The following PIK3CG variants were observed in gnomAD, a reference collection of about 807,000 sequenced individuals.
The protein encoded by PIK3CG is phosphatidylinositol-4,5-bisphosphate 3-kinase catalytic subunit gamma.
Under a neutral mutation model 102.3 loss-of-function variants are expected in PIK3CG, and 55 were observed. The observed-to-expected ratio is 0.54, with a 90% CI of 0.43 to 0.67. The LOEUF (loss-of-function observed/expected upper bound fraction) is 0.67. Ranked by LOEUF, PIK3CG falls within the 30% of genes least tolerant of loss-of-function variation. PIK3CG has a pLI of 0.00. For missense variants in PIK3CG, 1,258 were observed against 1,391.8 expected (o/e 0.90, Z 1.53); for synonymous variants, 552 against 540.0 (o/e 1.02, Z -0.31).
At chr7:106,876,686 C>T (rs1790756787) in intron 5 of PIK3CG, among the ~76,000 whole-genome samples, 1 of 151,904 alleles carries the variant, frequency 6.6e-6, no homozygotes, top group Admixed American at 6.6e-5. Context: ...CAGGTGTGAG[C>T]CACCGCACCT....
intron 1 of PIK3CG, among the ~76,000 whole-genome samples, chr7:106,866,588 C>T (rs1790291918): frequency 6.6e-6 from 1 of 152,112 alleles, no homozygotes; most frequent in Non-Finnish European, 1.5e-5. Context: ...TGTAGCTCCT[C>T]CATTATTAAG....
rs1469293176 is a variant in PIK3CG, at chr7:106,891,164, T to G, written c.3030+4872T>G. The stretch of plus-strand genomic sequence containing the variant: ...CTCAGTAGGTGTTTGCTGAGTGGAG[T>G]AGTGGAGGGACAGCACCTTGTAGGG... On this transcript the variant is annotated intron_variant, in intron 10 of 10. Coordinates refer to ENST00000496166, the MANE Select transcript of PIK3CG (RefSeq NM_001282426.2). The surrounding 1 kb of genome is among the most constrained non-coding windows in gnomAD (Gnocchi z 4.4). 6.6e-6 allele frequency among the ~76,000 whole-genome samples: 1 copy of G among 151,908 alleles called. No homozygotes were observed. Among genetic ancestry groups the G allele is most frequent in the African/African-American group, 2.4e-5 (1 of 41,350 alleles).
Position 106,872,418 on chromosome 7 carries a change from T to G in PIK3CG, c.1996-119T>G. 1 of 795,618 alleles carries G rather than the reference T, an allele frequency of 1.3e-6. No individual in the cohort carries two copies. Among genetic ancestry groups the G allele is most frequent in the Non-Finnish European group, 2.1e-6 (1 of 470,222 alleles). The allele number at this position is 795,618 out of a possible 1,614,324, so 49.3% of individuals were successfully genotyped here. ...TTAAACTTAAGTGACTGTTAAGATT[T>G]TCATCTTTCTAGCCGTGAAGACCCA... On this transcript the variant is annotated intron_variant, in intron 2 of 10. Coordinates refer to ENST00000496166, the MANE Select transcript of PIK3CG (RefSeq NM_001282426.2). The surrounding 1 kb of genome is among the most constrained non-coding windows in gnomAD (Gnocchi z 5.3).
At position 106,900,744 on chromosome 7, in the gene PIK3CG, C is replaced by G. The variant is rs567843350; in HGVS notation, c.3031-4365C>G. Among the ~76,000 whole-genome samples, 11 of 152,336 alleles carry G rather than the reference C, an allele frequency of 7.2e-5. No homozygotes were observed. In the East Asian group the frequency reaches 1.7e-3, roughly 24 times the overall value. On this transcript the variant is annotated intron_variant, in intron 10 of 10. Transcript: ENST00000496166. ...GTTCCTTTCAAGGTCTCTTGTAAGG[C>G]AGGTCTGGTGGGAATGAATTCCCTC...
chr7:106,873,878 A>G (rs1174152174), intron 4 of PIK3CG, among the ~76,000 whole-genome samples: 1 of 152,140 alleles, frequency 6.6e-6, no homozygotes, highest in Non-Finnish European at 1.5e-5. Context: ...ATTTTGATTG[A>G]TACTACATTA....
chr7:106,905,456 T>C lies in PIK3CG; in HGVS notation c.*69T>C, dbSNP rs2116620858. On this transcript the variant is annotated 3_prime_UTR_variant, in exon 11 of 11. Transcript: ENST00000496166. This position sits in a 1 kb window ranked among gnomAD's most constrained non-coding sequence, Gnocchi z 5.6. ...AAATTAGCATAGCAATCATCGAACT[T>C]GGATTTCAAATGCAATAGACATTGT... The C allele has an allele frequency of 7.0e-7, 1 of 1,437,216 alleles. No homozygotes were observed. Among genetic ancestry groups the C allele is most frequent in the Non-Finnish European group, 9.5e-7 (1 of 1,051,004 alleles). 89.0% of individuals were successfully genotyped at this position (1,437,216 alleles called of 1,614,324 possible).
Position 106,869,682 on chromosome 7 carries a change from T to C in PIK3CG, c.1995+126T>C. 1.3e-6 allele frequency: 1 copy of C among 770,594 alleles called. No individual in the cohort carries two copies. Among genetic ancestry groups the C allele is most frequent in the Non-Finnish European group, 2.1e-6 (1 of 484,978 alleles). The allele number at this position is 770,594 out of a possible 1,614,324, so 47.7% of individuals were successfully genotyped here. ...GAGCTTCATCATCGGCAAAAGTAGA[T>C]ATGATGAAGCTGCCTCAAAAAGTAG... On this transcript the variant is annotated intron_variant, in intron 2 of 10. Transcript: ENST00000496166. The surrounding 1 kb of genome is among the most constrained non-coding windows in gnomAD (Gnocchi z 5.3).
At position 106,892,007 on chromosome 7, in the gene PIK3CG, G is replaced by T. The variant is rs1791279623; in HGVS notation, c.3030+5715G>T. 6.6e-6 allele frequency among the ~76,000 whole-genome samples: 1 copy of T among 151,670 alleles called. No individual in the cohort carries two copies. The highest frequency in any genetic ancestry group is 6.6e-5 in the Admixed American group (1 of 15,228). On this transcript the variant is annotated intron_variant, in intron 10 of 10. Coordinates refer to ENST00000496166, the MANE Select transcript of PIK3CG (RefSeq NM_001282426.2). The surrounding 1 kb of genome is among the most constrained non-coding windows in gnomAD (Gnocchi z 5.2). ...TCTTCTGTGGTCTAGCTCTACTCTT[G>T]GGTCCCACATTGTTTTAACTGCTTC...
chr7:106,881,835 G>A (rs1790944936), intron 6 of PIK3CG, among the ~76,000 whole-genome samples: 1 of 152,130 alleles, frequency 6.6e-6, no homozygotes, highest in African/African-American at 2.4e-5. Flanking sequence ...GGGCGACAGA[G>A]CAAGATTCCA....
rs1246838929 is a variant in PIK3CG at position 106,895,485 on chromosome 7, G to A, written c.3030+9193G>A. On this transcript the variant is annotated intron_variant, in intron 10 of 10. Transcript: ENST00000496166. This position sits in a 1 kb window ranked among gnomAD's most constrained non-coding sequence, Gnocchi z 5.4. ...CAGGTGCTCGGCTGTGCCCCCCAGGGTGAGAGAACCACCTGCAGGAAGCCA... is the reference window on the plus strand; with the variant it reads ...CAGGTGCTCGGCTGTGCCCCCCAGGATGAGAGAACCACCTGCAGGAAGCCA... Among the ~76,000 whole-genome samples the A allele has an allele frequency of 6.6e-6, 1 of 152,198 alleles. No homozygotes were observed. Among genetic ancestry groups the A allele is most frequent in the Non-Finnish European group, 1.5e-5 (1 of 68,038 alleles).
intron 6 of PIK3CG, among the ~76,000 whole-genome samples, chr7:106,881,188 A>C (rs1474328338): frequency 6.6e-6 from 1 of 152,136 alleles, no homozygotes; most frequent in East Asian, 1.9e-4. Flanking sequence ...GGCACGAGCC[A>C]GTTAATCGCC....
In PIK3CG at chr7:106,868,720, A is replaced by G. The variant is rs2116448116; in HGVS notation, c.1159A>G (p.Ile387Val). The change falls in exon 2 of 11, where the codon ATC becomes GTC. Residue 387 changes from isoleucine (I) to valine (V), a missense_variant. Physicochemically the swap from Ile to Val is conservative, Grantham distance 29 (BLOSUM62 3). Coordinates refer to ENST00000496166, the MANE Select transcript of PIK3CG (RefSeq NM_001282426.2). This position sits in a 1 kb window ranked among gnomAD's most constrained non-coding sequence, Gnocchi z 6.2. ...TDLTVFVEAN[I>V]QHGQQVLCQR... Reference sequence around the variant, plus strand: ...CCTCACAGTTTTTGTAGAGGCAAACATCCAGCATGGGCAACAAGTCCTTTG... The same window carrying G: ...CCTCACAGTTTTTGTAGAGGCAAACGTCCAGCATGGGCAACAAGTCCTTTG... 6.2e-7 allele frequency: 1 copy of G among 1,614,230 alleles called. No individual in the cohort carries two copies. Among genetic ancestry groups the G allele is most frequent in the Non-Finnish European group, 8.5e-7 (1 of 1,180,042 alleles).
rs2116484351 is a variant in PIK3CG at position 106,872,691 on chromosome 7, A to G, written c.2062-22A>G. 6.2e-7 allele frequency: 1 copy of G among 1,608,042 alleles called. No individual in the cohort carries two copies. The highest frequency in any genetic ancestry group is 8.5e-7 in the Non-Finnish European group (1 of 1,174,472). On this transcript the variant is annotated intron_variant, in intron 3 of 10. Coordinates refer to ENST00000496166, the MANE Select transcript of PIK3CG (RefSeq NM_001282426.2). This position sits in a 1 kb window ranked among gnomAD's most constrained non-coding sequence, Gnocchi z 5.3. The stretch of plus-strand genomic sequence containing the variant: ...TAAAGCATTAGTCATAATAATTTCA[A>G]CTTTCTTGTACCTGCCCTCAGAACA...
chr7:106,907,049 A>G lies in PIK3CG; in HGVS notation c.*1662A>G. On this transcript the variant is annotated 3_prime_UTR_variant, in exon 11 of 11. Transcript: ENST00000496166. ...GGCAGGAGGATTGCCTGAGCCCAGGAGGTGGAAACTGCAGAGAGTCATGAT... is the reference window on the plus strand; with the variant it reads ...GGCAGGAGGATTGCCTGAGCCCAGGGGGTGGAAACTGCAGAGAGTCATGAT... 5.0e-6 allele frequency: 1 copy of G among 201,820 alleles called. No individual in the cohort carries two copies. The highest frequency in any genetic ancestry group is 7.6e-5 in the East Asian group (1 of 13,208). The allele number at this position is 201,820 out of a possible 1,614,324, so 12.5% of individuals were successfully genotyped here. A position where few individuals can be genotyped will look rare whatever the true frequency, so the allele number is the denominator to read the frequency against.
chr7:106,882,310 T>A, intron 7 of PIK3CG, 103 bp downstream of exon 7: 1 of 489,382 alleles, frequency 2.0e-6, no homozygotes, highest in South Asian at 5.6e-5. Context: ...ATAATCTTAA[T>A]CTGTATAAAA....
In PIK3CG at chr7:106,884,322, A is replaced by C; in HGVS notation, c.2872+56A>C. ...ATTGTGGTAAAATATATATAACATA[A>C]CATTTACTATTTTAACTCTAATTAA... is the stretch of plus-strand genomic sequence containing the variant. On this transcript the variant is annotated intron_variant, in intron 9 of 10. Transcript: ENST00000496166. This position sits in a 1 kb window ranked among gnomAD's most constrained non-coding sequence, Gnocchi z 4.2. The C allele has an allele frequency of 1.8e-6, 2 of 1,116,214 alleles. No individual in the cohort carries two copies. The allele number at this position is 1,116,214 out of a possible 1,614,324, so 69.1% of individuals were successfully genotyped here.
rs1159401989 is a variant in PIK3CG, at chr7:106,876,831, A to T, written c.2391+2028A>T. On this transcript the variant is annotated intron_variant, in intron 5 of 10. Transcript: ENST00000496166. ...TTCTTAGAGGTGTCTTTCAAAGCAG[A>T]AGCTTTAAATTTTGATTAAGTCAAA... Among the ~76,000 whole-genome samples, 3 of 152,190 alleles carry T rather than the reference A, an allele frequency of 2.0e-5. No individual in the cohort carries two copies. In the East Asian group the frequency reaches 5.8e-4, roughly 29 times the overall value.
Position 106,903,165 on chromosome 7 carries a change from G to A in PIK3CG, c.3031-1944G>A, listed in dbSNP as rs1168769793. 6.6e-5 allele frequency among the ~76,000 whole-genome samples: 10 copies of A among 152,088 alleles called. No homozygotes were observed. The highest frequency in any genetic ancestry group is 2.4e-4 in the African/African-American group (10 of 41,426). The stretch of plus-strand genomic sequence containing the variant: ...CACAAAATTCCTTGTCTTTTTGGGA[G>A]AAGACTACTTACTGGTTCGCACTGT... On this transcript the variant is annotated intron_variant, in intron 10 of 10. Coordinates refer to ENST00000496166, the MANE Select transcript of PIK3CG (RefSeq NM_001282426.2). This position sits in a 1 kb window ranked among gnomAD's most constrained non-coding sequence, Gnocchi z 4.3.
chr7:106,894,679 C>G lies in PIK3CG; in HGVS notation c.3030+8387C>G, dbSNP rs1168341084. ...ATGATTTTTATCCATTGTCTCCTTC[C>G]TCTAGCAGACAGAGGCAACATTACT... On this transcript the variant is annotated intron_variant, in intron 10 of 10. Coordinates refer to ENST00000496166, the MANE Select transcript of PIK3CG (RefSeq NM_001282426.2). This position sits in a 1 kb window ranked among gnomAD's most constrained non-coding sequence, Gnocchi z 4.4. 6.6e-6 allele frequency among the ~76,000 whole-genome samples: 1 copy of G among 152,128 alleles called. No homozygotes were observed. The highest frequency in any genetic ancestry group is 1.5e-5 in the Non-Finnish European group (1 of 68,020).
Sources: gnomAD v4.1 joint callset for allele counts (sites outside exome capture counted in the v4.1 genomes callset) on GRCh38, gnomAD v4.1.1 for gene constraint, Gnocchi (gnomAD v3.1) non-coding constraint, MANE v1.5 for transcripts, NCBI Gene and HGNC (gene_info 2026-07-23, HGNC 2026-07-21) for gene names.